KAZN: variants seen among roughly 807,000 people sequenced by gnomAD.
The protein encoded by KAZN is kazrin, periplakin interacting protein, also known as kazrin.
A neutral mutation model predicts 87.4 loss-of-function variants in KAZN; 40 were observed. The ratio of observed to expected loss-of-function variants is 0.46; its 90% CI spans 0.36 to 0.60. KAZN has a LOEUF of 0.60. Among genes scored for constraint, KAZN ranks in the 20% least tolerant of loss-of-function variants. KAZN has a pLI of 0.00. For missense variants in KAZN, 898 were observed against 1,073.9 expected, an observed-to-expected ratio of 0.84 and a Z score of 2.29; for synonymous variants, 466 against 458.3, an observed-to-expected ratio of 1.02 and a Z score of -0.22.
At chr1:15,082,727 C>G (rs1466386497) in intron 8 of KAZN, among the ~76,000 whole-genome samples, 2 of 152,218 alleles carry the variant, frequency 1.3e-5, no homozygotes, top group African/African-American at 2.4e-5. Flanking sequence ...GAGTCTCGCT[C>G]TGTCGCTCAG....
chr1:14,615,087 C>T (rs1678122576), intron 1 of KAZN, among the ~76,000 whole-genome samples: 1 of 152,218 alleles, frequency 6.6e-6, no homozygotes, highest in Non-Finnish European at 1.5e-5. Flanking sequence ...GTTCACAAGT[C>T]TCCAGTATCC....
intron 1 of KAZN, among the ~76,000 whole-genome samples, chr1:14,010,749 G>T (rs1307664164): frequency 6.6e-6 from 1 of 152,186 alleles, no homozygotes; most frequent in Non-Finnish European, 1.5e-5. Context: ...AAAAACAGAG[G>T]TGTCAAAGCC....
At chr1:14,449,138 A>G (rs1349377440) in intron 2 of KAZN, among the ~76,000 whole-genome samples, 1 of 152,226 alleles carries the variant, frequency 6.6e-6, no homozygotes, top group Non-Finnish European at 1.5e-5. Flanking sequence ...ATTAGCTCCC[A>G]TAACTAGAAA....
At chr1:14,676,612 G>A (rs750322385) in intron 1 of KAZN, among the ~76,000 whole-genome samples, 33 of 152,144 alleles carry the variant, frequency 2.2e-4, no homozygotes, top group Non-Finnish European at 4.0e-4. Context: ...AGTATTATCC[G>A]GCAGTGAAAA....
chr1:14,432,682 G>T (rs1043818211), intron 2 of KAZN, among the ~76,000 whole-genome samples: 3 of 151,998 alleles, frequency 2.0e-5, no homozygotes, highest in Non-Finnish European at 4.4e-5. Flanking sequence ...TTTAAGCCCT[G>T]CATGCATTAG....
chr1:14,748,598 A>G (rs1040080400), intron 1 of KAZN, among the ~76,000 whole-genome samples: 10 of 152,220 alleles, frequency 6.6e-5, no homozygotes, highest in African/African-American at 2.4e-4. Context: ...TGTAACAGTC[A>G]CTGGCAAACA....
rs12123725 is a variant in KAZN at position 14,666,985 on chromosome 1, C to T, written c.226+67762C>T. ...TCTTGACGTCGTGATCCGCCCACTT[C>T]GGCCTCCCAACCTGTCCTCTTCTTA... On this transcript the variant is annotated intron_variant, in intron 1 of 14. Transcript: ENST00000376030. Among the ~76,000 whole-genome samples, 714 of 152,302 alleles carry T rather than the reference C, an allele frequency of 4.7e-3. 2 individuals are homozygous for T. Among genetic ancestry groups the T allele is most frequent in the Non-Finnish European group, 7.3e-3 (499 of 68,026 alleles).
intron 2 of KAZN, among the ~76,000 whole-genome samples, chr1:14,387,329 C>T (rs933018750): frequency 3.9e-5 from 6 of 152,332 alleles, no homozygotes; most frequent in Non-Finnish European, 7.3e-5. Context: ...AGTCATTCTC[C>T]GTCCAGCTTT....
chr1:14,512,473 C>A (rs931966166), intron 2 of KAZN, among the ~76,000 whole-genome samples: 57 of 150,874 alleles, frequency 3.8e-4, no homozygotes, highest in African/African-American at 1.4e-3. Context: ...GCGCAGAGCC[C>A]CCCCACCCCC....
intron 1 of KAZN, among the ~76,000 whole-genome samples, chr1:14,042,353 C>T (rs1046484954): frequency 1.3e-5 from 2 of 152,240 alleles, no homozygotes; most frequent in African/African-American, 4.8e-5. Flanking sequence ...TACAGGAGGG[C>T]AAGAATACTA....
intron 2 of KAZN, among the ~76,000 whole-genome samples, chr1:14,417,348 A>G (rs1664878681): frequency 6.6e-6 from 1 of 152,224 alleles, no homozygotes; most frequent in African/African-American, 2.4e-5. Context: ...ATCGAGAGCA[A>G]AAGTGTTACA....
At chr1:14,170,865 G>T (rs189020012) in intron 1 of KAZN, among the ~76,000 whole-genome samples, 1 of 152,138 alleles carries the variant, frequency 6.6e-6, no homozygotes, top group Non-Finnish European at 1.5e-5. Flanking sequence ...GGGAGTACAG[G>T]TGCCTGCCAC....
Position 14,599,686 on chromosome 1 carries a change from T to C in KAZN, c.226+463T>C, listed in dbSNP as rs1474420439. On this transcript the variant is annotated intron_variant, in intron 1 of 14. Coordinates refer to ENST00000376030, the MANE Select transcript of KAZN (RefSeq NM_201628.3). The surrounding 1 kb of genome is among the most constrained non-coding windows in gnomAD (Gnocchi z 4.4). ...ATAGAGGATTGCACTGCTGTGCACT[T>C]TTCTCCGCGGATGCCAAATCCCTTG... Among the ~76,000 whole-genome samples the C allele has an allele frequency of 6.6e-6, 1 of 152,212 alleles. No individual in the cohort carries two copies. Among genetic ancestry groups the C allele is most frequent in the Non-Finnish European group, 1.5e-5 (1 of 68,036 alleles).
At chr1:14,072,134 A>G (rs1037303019) in intron 1 of KAZN, among the ~76,000 whole-genome samples, 2 of 152,194 alleles carry the variant, frequency 1.3e-5, no homozygotes, top group African/African-American at 4.8e-5. Flanking sequence ...TGATGGTGAC[A>G]AATGGTGATG....
chr1:15,114,711 C>G lies in KAZN; in HGVS notation c.*76C>G. On this transcript the variant is annotated 3_prime_UTR_variant, in exon 15 of 15. Transcript: ENST00000376030. ...AAGCCAGATGGCCCCAGGTGTCGTT[C>G]TCACTGTACATAGCGGCCGCAGGCT... 1.4e-6 allele frequency: 2 copies of G among 1,437,790 alleles called. No homozygotes were observed. Among genetic ancestry groups the G allele is most frequent in the Non-Finnish European group, 1.9e-6 (2 of 1,060,044 alleles). 89.1% of individuals were successfully genotyped at this position (1,437,790 alleles called of 1,614,324 possible). A position where few individuals can be genotyped will look rare whatever the true frequency, so the allele number is the denominator to read the frequency against.
At chr1:14,880,440 A>G (rs1489155046) in intron 1 of KAZN, among the ~76,000 whole-genome samples, 1 of 152,106 alleles carries the variant, frequency 6.6e-6, no homozygotes, top group Non-Finnish European at 1.5e-5. Flanking sequence ...ACTACCCCAA[A>G]CTGAGTATAA....
At chr1:14,307,689 C>T (rs1018404145) in intron 2 of KAZN, among the ~76,000 whole-genome samples, 1 of 152,182 alleles carries the variant, frequency 6.6e-6, no homozygotes, top group Non-Finnish European at 1.5e-5. Context: ...ATGCTTCTCA[C>T]CTTTGAGTTG....
At position 15,112,464 on chromosome 1, in the gene KAZN, C is replaced by T. The variant is rs775723862; in HGVS notation, c.2086C>T (p.Pro696Ser). The part of the protein sequence containing the change: ...GIREAERFGT[P>S]PGRASSVTRA... Reference sequence around the variant, plus strand: ...CCGGGAGGCTGAGCGTTTTGGAACGCCCCCTGGCAGGGCCTCCAGCGTCAC... The same window carrying T: ...CCGGGAGGCTGAGCGTTTTGGAACGTCCCCTGGCAGGGCCTCCAGCGTCAC... The change falls in exon 14 of 15, where the codon CCC becomes TCC. Residue 696 changes from proline (P) to serine (S), a missense_variant. Pro to Ser is a moderately conservative substitution (Grantham distance 74). Transcript: ENST00000376030. 5.0e-6 allele frequency: 8 copies of T among 1,607,302 alleles called. No homozygotes were observed. In the African/African-American group the frequency reaches 1.1e-4, roughly 21 times the overall value.
intron 1 of KAZN, among the ~76,000 whole-genome samples, chr1:14,170,525 C>T (rs987837424): frequency 3.3e-5 from 5 of 152,088 alleles, no homozygotes; most frequent in Admixed American, 6.5e-5. Context: ...AAAAAAATTG[C>T]GGTAAAATGC....
Sources: gnomAD v4.1 joint callset for allele counts (sites outside exome capture counted in the v4.1 genomes callset) on GRCh38, gnomAD v4.1.1 for gene constraint, Gnocchi (gnomAD v3.1) non-coding constraint, MANE v1.5 for transcripts, NCBI Gene and HGNC (gene_info 2026-07-23, HGNC 2026-07-21) for gene names.